Variants in MYO16 observed in about 807,000 individuals in gnomAD.
MYO16 encodes myosin XVI.
MYO16 carries 94 observed loss-of-function variants against 205.3 expected under a neutral mutation model. The ratio of observed to expected loss-of-function variants is 0.46; its 90% CI spans 0.39 to 0.54. The LOEUF is 0.54. MYO16 is among the 20% of genes least tolerant of loss of function. MYO16 has a pLI of 0.00. For synonymous variants in MYO16, 988 were observed against 954.0 expected (o/e 1.04, Z -0.66); for missense variants, 2,315 against 2,387.5 (o/e 0.97, Z 0.63).
chr13:108,944,639 A>G (rs1882863270), intron 16 of MYO16, among the ~76,000 whole-genome samples: 2 of 152,338 alleles, frequency 1.3e-5, no homozygotes, highest in South Asian at 4.1e-4. Context: ...TTGGGTGGAA[A>G]GATAGTATGA....
At chr13:108,838,674 A>C (rs1409796341) in intron 9 of MYO16, among the ~76,000 whole-genome samples, 2 of 117,900 alleles carry the variant, frequency 1.7e-5, no homozygotes, top group Admixed American at 1.8e-4. Flanking sequence ...TCAAAAAAAA[A>C]AAAAATATAT....
chr13:109,043,415 G>A lies in MYO16; in HGVS notation c.2797-3501G>A, dbSNP rs138209689. The stretch of plus-strand genomic sequence containing the variant: ...TGTGCGTGTGTGTGCATGTGTGTGC[G>A]TGTGTGTTTCATTTGAAATCATCGG... On this transcript the variant is annotated intron_variant, in intron 23 of 34. Transcript: ENST00000457511. 5.8e-3 allele frequency among the ~76,000 whole-genome samples: 889 copies of A among 152,002 alleles called. 9 individuals are homozygous for A. Among genetic ancestry groups the A allele is most frequent in the African/African-American group, 0.019 (798 of 41,312 alleles).
At chr13:109,032,128 T>C (rs961032565) in intron 23 of MYO16, among the ~76,000 whole-genome samples, 2 of 152,142 alleles carry the variant, frequency 1.3e-5, no homozygotes, top group Non-Finnish European at 2.9e-5. Context: ...ATGCTCATCT[T>C]TGGCTGGCTG....
chr13:109,192,012 T>C (rs1879939909), intron 34 of MYO16, among the ~76,000 whole-genome samples: 1 of 152,156 alleles, frequency 6.6e-6, no homozygotes, highest in Admixed American at 6.6e-5. Flanking sequence ...GAAAGCGAAA[T>C]TCAGGCTAAA....
At chr13:109,145,388 TA>T (rs1386671447) in intron 32 of MYO16, among the ~76,000 whole-genome samples, 1 of 152,166 alleles carries the variant, frequency 6.6e-6, no homozygotes, top group African/African-American at 2.4e-5. Context: ...AAAAGTCTTT[TA>T]AAATTAATAT....
intron 1 of MYO16, among the ~76,000 whole-genome samples, chr13:108,623,459 G>T (rs964009): frequency 0.029 from 4,476 of 152,192 alleles, 176 homozygotes; most frequent in African/African-American, 0.088. Context: ...CAAACTTGCA[G>T]CCAGATCTCC....
At chr13:108,589,031 C>T in the MYO16 span, among the ~76,000 whole-genome samples, 4 of 152,150 alleles carry the variant, frequency 2.6e-5, no homozygotes, top group African/African-American at 9.7e-5. Flanking sequence ...GTGGAATAGA[C>T]ATTAGAATGG....
chr13:108,701,696 GA>G (rs1883313419), intron 2 of MYO16, among the ~76,000 whole-genome samples: 1 of 152,176 alleles, frequency 6.6e-6, no homozygotes, highest in East Asian at 1.9e-4. Context: ...CACAGAGAGA[GA>G]AAAAAGTAGT....
intron 15 of MYO16, among the ~76,000 whole-genome samples, chr13:108,909,556 A>C (rs1400560302): frequency 6.6e-6 from 1 of 151,760 alleles, no homozygotes; most frequent in Non-Finnish European, 1.5e-5. Context: ...CTGGGCCTTC[A>C]TAGTGCAGCC....
chr13:109,102,094 T>C (rs1267722400), intron 28 of MYO16, among the ~76,000 whole-genome samples: 1 of 151,926 alleles, frequency 6.6e-6, no homozygotes, highest in Non-Finnish European at 1.5e-5. Context: ...TTTTTTCCTT[T>C]TCTTTTTTTT....
chr13:108,961,499 T>G lies in MYO16; in HGVS notation c.2038-40T>G, dbSNP rs754221770. 8 of 1,534,070 alleles carry G rather than the reference T, an allele frequency of 5.2e-6. No individual in the cohort carries two copies. In the South Asian group the frequency reaches 9.0e-5, roughly 17 times the overall value. On this transcript the variant is annotated intron_variant, in intron 17 of 34. Coordinates refer to ENST00000457511, the MANE Select transcript of MYO16 (RefSeq NM_001198950.3). ...AAATTTTGCCTTTTAATCTTTCTTC[T>G]AAGCACCCTATTCATTCTCTCTGTT... is the stretch of plus-strand genomic sequence containing the variant.
At chr13:108,843,581 TG>T (rs1353394814) in intron 9 of MYO16, among the ~76,000 whole-genome samples, 3 of 152,210 alleles carry the variant, frequency 2.0e-5, no homozygotes, top group African/African-American at 7.2e-5. Context: ...GAAATAATTA[TG>T]TTTACATAGA....
chr13:108,580,633 A>C, the MYO16 span, among the ~76,000 whole-genome samples: 1 of 152,216 alleles, frequency 6.6e-6, no homozygotes. Flanking sequence ...AACTATAACA[A>C]GTAAAACTGG....
chr13:109,135,709 C>T (rs1876745788), intron 31 of MYO16, among the ~76,000 whole-genome samples: 1 of 152,228 alleles, frequency 6.6e-6, no homozygotes, highest in South Asian at 2.1e-4. Flanking sequence ...CAGGCTGCTC[C>T]TTTCAGTGTA....
chr13:108,504,473 A>G, the MYO16 span, among the ~76,000 whole-genome samples: 2 of 151,678 alleles, frequency 1.3e-5, no homozygotes, highest in Admixed American at 1.3e-4. Context: ...CTCTACACCC[A>G]TTGAACAACA....
At chr13:108,613,360 T>A (rs777352909) in intron 1 of MYO16, among the ~76,000 whole-genome samples, 3 of 152,172 alleles carry the variant, frequency 2.0e-5, no homozygotes, top group Non-Finnish European at 4.4e-5. Context: ...CTAAAATTTA[T>A]CTTTACTTGT....
intron 16 of MYO16, among the ~76,000 whole-genome samples, chr13:108,953,569 GTT>G (rs544288739): frequency 5.1e-4 from 68 of 132,398 alleles, no homozygotes; most frequent in African/African-American, 1.7e-3. Context: ...TTTGAGTTTT[GTT>G]TTTTTTTTTT....
the MYO16 span, among the ~76,000 whole-genome samples, chr13:108,543,991 G>T: frequency 6.7e-6 from 1 of 148,448 alleles, no homozygotes; most frequent in African/African-American, 2.5e-5. Flanking sequence ...CTTGAACTTG[G>T]GAGGCGGAGG....
At chr13:108,762,675 CT>C (rs1885648495) in intron 4 of MYO16, among the ~76,000 whole-genome samples, 1 of 152,178 alleles carries the variant, frequency 6.6e-6, no homozygotes, top group Non-Finnish European at 1.5e-5. Context: ...TTGAAAACAG[CT>C]GATAATAAAA....
Sources: gnomAD v4.1 joint callset for allele counts (sites outside exome capture counted in the v4.1 genomes callset) on GRCh38, gnomAD v4.1.1 for gene constraint, MANE v1.5 for transcripts, NCBI Gene and HGNC (gene_info 2026-07-23, HGNC 2026-07-21) for gene names.